Variants in APCDD1L observed in about 807,000 individuals in gnomAD.
The protein encoded by APCDD1L is protein APCDD1-like.
In APCDD1L, 21 loss-of-function variants were observed where a neutral mutation model predicts 24.2. That is an observed-to-expected ratio of 0.87 (90% CI 0.61 to 1.25). The LOEUF is 1.25. Ranked by LOEUF, APCDD1L falls within the 50% of genes most tolerant of loss-of-function variation. The probability of loss-of-function intolerance (pLI) is 0.00; values close to 1 mark genes in which losing one functional copy is unlikely to be tolerated. For missense variants in APCDD1L, 704 were observed against 711.7 expected (o/e 0.99, Z 0.12); for synonymous variants, 321 against 323.6 (o/e 0.99, Z 0.09).
chr20:58,513,711 C>T (rs892167429), intron 1 of APCDD1L: 68 of 430,294 alleles, frequency 1.6e-4, no homozygotes, highest in Admixed American at 8.2e-5. Context: ...TCCTCCTGCA[C>T]GTGCTCTCGT....
rs561231946 is a variant in APCDD1L, at chr20:58,514,704, G to T, written c.4C>A (p.Pro2Thr). ...CAAGCGTAGGGGAGCATGGCTGCGGGCATCCCGTCGGGGCTGGCAGGACCG... is the reference window on the plus strand; with the variant it reads ...CAAGCGTAGGGGAGCATGGCTGCGGTCATCCCGTCGGGGCTGGCAGGACCG... M[P>T]AAMLPYACVL... The change falls in exon 1 of 4, where the codon CCC becomes ACC. Residue 2 changes from proline to threonine, a missense_variant. Physicochemically the swap from Pro to Thr is conservative, Grantham distance 38. Transcript: ENST00000371149. 4.6e-6 allele frequency: 6 copies of T among 1,309,268 alleles called. No homozygotes were observed. The highest frequency in any genetic ancestry group is 2.0e-4 in the Middle Eastern group (1 of 4,900). 81.1% of individuals were successfully genotyped at this position (1,309,268 alleles called of 1,614,324 possible).
intron 1 of APCDD1L, among the ~76,000 whole-genome samples, chr20:58,474,142 G>T (rs1465894421): frequency 6.6e-6 from 1 of 152,224 alleles, no homozygotes; most frequent in Non-Finnish European, 1.5e-5. Context: ...CATTCTGGGA[G>T]GCCCAAGGCC....
chr20:58,490,821 G>C (rs1241921190), intron 1 of APCDD1L, among the ~76,000 whole-genome samples: 1 of 152,168 alleles, frequency 6.6e-6, no homozygotes, highest in Admixed American at 6.5e-5. Context: ...AGTGTGAAAA[G>C]GAAAAATTAA....
In APCDD1L at chr20:58,510,419, G is replaced by A. The variant is rs141884298; in HGVS notation, c.49+4240C>T. Among the ~76,000 whole-genome samples the A allele has an allele frequency of 1.9e-3, 286 of 152,202 alleles. 1 individual carries two copies. The East Asian group carries it at 0.024, about 13-fold the overall frequency. The stretch of plus-strand genomic sequence containing the variant: ...GCAATCTTGGCCCACTGCAACCTCC[G>A]CCTCCCGGGTTCAAGCAATTCTCCT... On this transcript the variant is annotated intron_variant, in intron 1 of 3. Transcript: ENST00000371149.
In APCDD1L at chr20:58,461,855, G is replaced by A. The variant is rs1347404611; in HGVS notation, c.742-301C>T. 5.9e-6 allele frequency: 2 copies of A among 338,564 alleles called. No homozygotes were observed. Among genetic ancestry groups the A allele is most frequent in the Non-Finnish European group, 1.1e-5 (2 of 187,838 alleles). 21.0% of individuals were successfully genotyped at this position (338,564 alleles called of 1,614,324 possible). ...TCTTAGGTCTCAGCTGGGCACCAGAGAGAGCTTTCCCGAATGCCCCATGTA... is the reference window on the plus strand; with the variant it reads ...TCTTAGGTCTCAGCTGGGCACCAGAAAGAGCTTTCCCGAATGCCCCATGTA... On this transcript the variant is annotated intron_variant, in intron 3 of 3. Transcript: ENST00000371149. The surrounding 1 kb of genome is among the most constrained non-coding windows in gnomAD (Gnocchi z 6.0).
chr20:58,481,151 C>T (rs114082047), intron 1 of APCDD1L, among the ~76,000 whole-genome samples: 1 of 152,318 alleles, frequency 6.6e-6, no homozygotes, highest in African/African-American at 2.4e-5. Context: ...GTGCCCAGAT[C>T]TCACTGAATG....
chr20:58,460,825 G>C lies in APCDD1L; in HGVS notation c.1471C>G (p.Leu491Val), dbSNP rs143397758. ...LHIAPFPLLP[L>V]VLGLAFLHWL The stretch of plus-strand genomic sequence containing the variant: ...TGGAGGAAGGCCAGCCCTAGAACTA[G>C]GGGCAGAAGTGGGAAGGGGGCTATG... Residue 491 changes from leucine (L) to valine (V), a missense_variant, in exon 4 of 4, where the codon CTA becomes GTA. Transcript: ENST00000371149. The surrounding 1 kb of genome is among the most constrained non-coding windows in gnomAD (Gnocchi z 4.2). The C allele has an allele frequency of 2.6e-4, 396 of 1,533,914 alleles. No homozygotes were observed. Among genetic ancestry groups the C allele is most frequent in the Non-Finnish European group, 3.1e-4 (354 of 1,140,344 alleles).
intron 1 of APCDD1L, among the ~76,000 whole-genome samples, chr20:58,493,711 G>A (rs1009438251): frequency 6.6e-6 from 1 of 152,148 alleles, no homozygotes; most frequent in African/African-American, 2.4e-5. Context: ...ACAAGGAAAA[G>A]ATAAACACAA....
At chr20:58,468,380 G>T (rs1279601832) in intron 2 of APCDD1L, among the ~76,000 whole-genome samples, 1 of 152,136 alleles carries the variant, frequency 6.6e-6, no homozygotes. Context: ...TCCAGGGGAA[G>T]GGGTTGGACG....
intron 1 of APCDD1L, among the ~76,000 whole-genome samples, chr20:58,476,045 G>C (rs1039728215): frequency 6.6e-6 from 1 of 152,174 alleles, no homozygotes; most frequent in African/African-American, 2.4e-5. Context: ...CCCAGGTACT[G>C]GGGGTTAGGA....
At chr20:58,491,972 G>A (rs537540333) in intron 1 of APCDD1L, among the ~76,000 whole-genome samples, 1 of 152,318 alleles carries the variant, frequency 6.6e-6, no homozygotes, top group Non-Finnish European at 1.5e-5. Flanking sequence ...GGAGAAGAGA[G>A]GGCTGGTCAA....
intron 2 of APCDD1L, among the ~76,000 whole-genome samples, chr20:58,469,277 A>T (rs1238317407): frequency 1.3e-5 from 2 of 152,226 alleles, no homozygotes; most frequent in Non-Finnish European, 2.9e-5. Flanking sequence ...GTTGGTTTAC[A>T]GAAAATGATA....
chr20:58,475,345 C>T (rs1362718931), intron 1 of APCDD1L, among the ~76,000 whole-genome samples: 1 of 152,150 alleles, frequency 6.6e-6, no homozygotes, highest in Non-Finnish European at 1.5e-5. Flanking sequence ...GCGAGCACTT[C>T]GTATTCCAAC....
At chr20:58,465,501 T>C (rs1313401136) in intron 3 of APCDD1L, among the ~76,000 whole-genome samples, 1 of 152,192 alleles carries the variant, frequency 6.6e-6, no homozygotes, top group East Asian at 1.9e-4. Flanking sequence ...CTGAATGATG[T>C]GAAGGTGGCC....
rs1467524478 is a variant in APCDD1L, at chr20:58,494,431, C to A, written c.49+20228G>T. Among the ~76,000 whole-genome samples the A allele has an allele frequency of 6.6e-6, 1 of 152,142 alleles. No individual in the cohort carries two copies. The highest frequency in any genetic ancestry group is 1.5e-5 in the Non-Finnish European group (1 of 68,028). On this transcript the variant is annotated intron_variant, in intron 1 of 3. Transcript: ENST00000371149. The surrounding 1 kb of genome is among the most constrained non-coding windows in gnomAD (Gnocchi z 4.8). ...CACTGCAGCCTCAAACTCCCCGGCT[C>A]AAGCCATCCTCTGGCCTCAGCCTCC...
chr20:58,480,070 A>G (rs1463160772), intron 1 of APCDD1L, among the ~76,000 whole-genome samples: 3 of 152,198 alleles, frequency 2.0e-5, no homozygotes, highest in African/African-American at 7.2e-5. Context: ...TGGTCCTCAG[A>G]TACCTCACAT....
Position 58,467,485 on chromosome 20 carries a change from C to T in APCDD1L, c.362G>A (p.Gly121Glu), listed in dbSNP as rs762319351. The T allele has an allele frequency of 1.3e-6, 2 of 1,598,548 alleles. No homozygotes were observed. The highest frequency in any genetic ancestry group is 1.7e-6 in the Non-Finnish European group (2 of 1,173,294). The stretch of plus-strand genomic sequence containing the variant: ...CAGGTGGTAGTCGGCCTCGGTGGCT[C>T]CCCGGGTGACCCAGGAGGCCCGGCG... ...RLRRASWVTRGATEADYHLHK... is the reference protein window; with the variant it reads ...RLRRASWVTREATEADYHLHK... The change falls in exon 3 of 4, where the codon GGA becomes GAA. Residue 121 changes from glycine to glutamate, a missense_variant. Coordinates refer to ENST00000371149, the MANE Select transcript of APCDD1L (RefSeq NM_153360.3). The surrounding 1 kb of genome is among the most constrained non-coding windows in gnomAD (Gnocchi z 5.9).
chr20:58,515,129 T>C lies in APCDD1L; in HGVS notation c.-422A>G, dbSNP rs1397923698. The C allele has an allele frequency of 5.5e-6, 1 of 180,448 alleles. No homozygotes were observed. The highest frequency in any genetic ancestry group is 2.3e-5 in the African/African-American group (1 of 42,642). The allele number at this position is 180,448 out of a possible 1,614,324, so 11.2% of individuals were successfully genotyped here. A position where few individuals can be genotyped will look rare whatever the true frequency, so the allele number is the denominator to read the frequency against. ...GGCCAAGGCAGAGCGATGCGCTCCTTGCGTCAAAGCGCACCCCTAGCCAGG... is the reference window on the plus strand; with the variant it reads ...GGCCAAGGCAGAGCGATGCGCTCCTCGCGTCAAAGCGCACCCCTAGCCAGG... On this transcript the variant is annotated 5_prime_UTR_variant, in exon 1 of 4. Coordinates refer to ENST00000371149, the MANE Select transcript of APCDD1L (RefSeq NM_153360.3).
At position 58,477,751 on chromosome 20, in the gene APCDD1L, C is replaced by T. The variant is rs532936910; in HGVS notation, c.50-7004G>A. Among the ~76,000 whole-genome samples, 20 of 152,220 alleles carry T rather than the reference C, an allele frequency of 1.3e-4. No homozygotes were observed. The East Asian group carries it at 1.9e-3, about 15-fold the overall frequency. On this transcript the variant is annotated intron_variant, in intron 1 of 3. Coordinates refer to ENST00000371149, the MANE Select transcript of APCDD1L (RefSeq NM_153360.3). ...TACAATTATTATTGGTGGTGTTTTC[C>T]AAATGGTCATTCTCTAGTTCCATCA... is the stretch of plus-strand genomic sequence containing the variant.
Sources: gnomAD v4.1 joint callset for allele counts (sites outside exome capture counted in the v4.1 genomes callset) on GRCh38, gnomAD v4.1.1 for gene constraint, Gnocchi (gnomAD v3.1) non-coding constraint, MANE v1.5 for transcripts, NCBI Gene and HGNC (gene_info 2026-07-23, HGNC 2026-07-21) for gene names.